PLXDC2: variants seen among roughly 807,000 people sequenced by gnomAD.
PLXDC2 encodes plexin domain containing 2, also known as plexin domain-containing protein 2.
PLXDC2 carries 40 observed loss-of-function variants against 68.9 expected under a neutral mutation model. The ratio of observed to expected loss-of-function variants is 0.58; its 90% confidence interval spans 0.45 to 0.76. The LOEUF (loss-of-function observed/expected upper bound fraction) is 0.76. Among genes scored for constraint, PLXDC2 ranks in the 30% least tolerant of loss-of-function variants. The pLI is 0.00. For missense variants in PLXDC2, 644 were observed against 661.9 expected (o/e 0.97, Z 0.30); for synonymous variants, 243 against 234.2 (o/e 1.04, Z -0.34).
chr10:19,898,512 C>T (rs984353871), intron 1 of PLXDC2, among the ~76,000 whole-genome samples: 2 of 152,074 alleles, frequency 1.3e-5, no homozygotes, highest in African/African-American at 2.4e-5. Context: ...TTTACAACAA[C>T]GAAAACTAAT....
At chr10:20,199,751 G>T (rs778706544) in intron 9 of PLXDC2, among the ~76,000 whole-genome samples, 35 of 151,974 alleles carry the variant, frequency 2.3e-4, no homozygotes, top group Middle Eastern at 3.4e-3. Context: ...TGGAACGTTA[G>T]AATGTGATTA....
At chr10:19,967,646 C>T (rs1163089305) in intron 1 of PLXDC2, among the ~76,000 whole-genome samples, 2 of 151,850 alleles carry the variant, frequency 1.3e-5, no homozygotes, top group African/African-American at 4.8e-5. Context: ...CTGAAGATTC[C>T]AGGTACAAAT....
At chr10:20,118,874 T>C (rs969013466) in intron 4 of PLXDC2, among the ~76,000 whole-genome samples, 7 of 151,964 alleles carry the variant, frequency 4.6e-5, no homozygotes, top group Non-Finnish European at 8.8e-5. Flanking sequence ...AATTTATTTG[T>C]AACAATGCAA....
intron 2 of PLXDC2, among the ~76,000 whole-genome samples, chr10:20,020,092 G>A (rs566033951): frequency 6.7e-6 from 1 of 150,124 alleles, no homozygotes; most frequent in South Asian, 2.1e-4. Context: ...GCTCACTAGA[G>A]CCTTGAATTC....
intron 13 of PLXDC2, among the ~76,000 whole-genome samples, chr10:20,258,503 G>A (rs12781232): frequency 0.098 from 14,894 of 152,072 alleles, 956 homozygotes; most frequent in Middle Eastern, 0.17. Flanking sequence ...ATTTAAGTTG[G>A]CATTTGTTCC....
chr10:20,003,867 T>C (rs1276975718), intron 2 of PLXDC2, among the ~76,000 whole-genome samples: 1 of 152,208 alleles, frequency 6.6e-6, no homozygotes, highest in African/African-American at 2.4e-5. Flanking sequence ...GGCTGACTAC[T>C]GCCAAGGCTG....
intron 1 of PLXDC2, among the ~76,000 whole-genome samples, chr10:19,989,143 A>G (rs1834702620): frequency 1.3e-5 from 2 of 152,160 alleles, no homozygotes; most frequent in Admixed American, 6.6e-5. Context: ...CCAGTTTTCT[A>G]TGGTTTAGCC....
chr10:19,836,362 C>T (rs139365745), intron 1 of PLXDC2, among the ~76,000 whole-genome samples: 1 of 152,106 alleles, frequency 6.6e-6, no homozygotes, highest in African/African-American at 2.4e-5. Flanking sequence ...ATACAGGAAA[C>T]CATGTTAGGA....
intron 4 of PLXDC2, among the ~76,000 whole-genome samples, chr10:20,108,890 T>TATA (rs1833524087): frequency 6.6e-6 from 1 of 152,324 alleles, no homozygotes; most frequent in African/African-American, 2.4e-5. Context: ...TAAGTGTCTT[T>TATA]AAATGTTTTG....
intron 6 of PLXDC2, among the ~76,000 whole-genome samples, chr10:20,159,202 C>G (rs7069721): frequency 0.21 from 32,070 of 151,970 alleles, 4,381 homozygotes; most frequent in East Asian, 0.39. Flanking sequence ...TATGTTGTTC[C>G]CTGCATATCG....
At chr10:20,264,168 C>T (rs571863339) in intron 13 of PLXDC2, among the ~76,000 whole-genome samples, 1 of 152,294 alleles carries the variant, frequency 6.6e-6, no homozygotes, top group South Asian at 2.1e-4. Context: ...TTTGTGGGAA[C>T]ATGAACGAAG....
chr10:20,088,570 G>C (rs1157073685), intron 4 of PLXDC2, among the ~76,000 whole-genome samples: 1 of 152,176 alleles, frequency 6.6e-6, no homozygotes, highest in Admixed American at 6.5e-5. Flanking sequence ...GGTAGAGATA[G>C]ATTGTAAACA....
intron 4 of PLXDC2, among the ~76,000 whole-genome samples, chr10:20,129,699 AAAT>A (rs1299458192): frequency 1.3e-5 from 2 of 152,084 alleles, no homozygotes; most frequent in African/African-American, 4.8e-5. Context: ...ATATGGTGTG[AAAT>A]AATGCTCCAA....
At chr10:19,922,646 A>G (rs1199775375) in intron 1 of PLXDC2, among the ~76,000 whole-genome samples, 1 of 152,124 alleles carries the variant, frequency 6.6e-6, no homozygotes, top group Non-Finnish European at 1.5e-5. Context: ...GTTGTATGGA[A>G]CTCAAGAAGA....
At chr10:19,927,525 C>T (rs1173787250) in intron 1 of PLXDC2, among the ~76,000 whole-genome samples, 6 of 151,474 alleles carry the variant, frequency 4.0e-5, no homozygotes, top group Admixed American at 3.9e-4. Flanking sequence ...CATGGTGAAA[C>T]CCCGTCTCTA....
chr10:20,161,048 T>A (rs76405268), intron 6 of PLXDC2, among the ~76,000 whole-genome samples: 1,646 of 152,304 alleles, frequency 0.011, 15 homozygotes, highest in Non-Finnish European at 0.014. Context: ...TACCTCATTT[T>A]ATGGAGAAAC....
intron 1 of PLXDC2, among the ~76,000 whole-genome samples, chr10:19,911,391 A>G (rs888769321): frequency 1.5e-4 from 23 of 152,328 alleles, no homozygotes; most frequent in African/African-American, 5.3e-4. Flanking sequence ...AATTTGCTCT[A>G]GCATAATTTT....
chr10:20,058,364 A>T (rs1230264964), intron 3 of PLXDC2, among the ~76,000 whole-genome samples: 1 of 152,134 alleles, frequency 6.6e-6, no homozygotes. Context: ...CCTGGATTTG[A>T]GTCCTCACTT....
chr10:19,993,568 C>T (rs1342250886), intron 1 of PLXDC2, among the ~76,000 whole-genome samples: 2 of 152,044 alleles, frequency 1.3e-5, no homozygotes, highest in Middle Eastern at 3.2e-3. Context: ...TACAGGCATG[C>T]GCCACCTCAC....
Sources: gnomAD v4.1 joint callset for allele counts (sites outside exome capture counted in the v4.1 genomes callset) on GRCh38, gnomAD v4.1.1 for gene constraint, MANE v1.5 for transcripts, NCBI Gene and HGNC (gene_info 2026-07-23, HGNC 2026-07-21) for gene names.